Variants in BRWD1 observed in about 807,000 individuals in gnomAD.
BRWD1 encodes bromodomain and WD repeat-containing protein 1.
A neutral mutation model predicts 251.2 loss-of-function variants in BRWD1; 82 were observed. That is an observed-to-expected ratio of 0.33 (90% confidence interval 0.27 to 0.39). BRWD1 has a LOEUF of 0.39. BRWD1 is among the 10% of genes least tolerant of loss of function. BRWD1 has a pLI of 1.00. For missense variants in BRWD1, 2,233 were observed against 2,711.6 expected (o/e 0.82, Z 3.92); for synonymous variants, 918 against 902.8 (o/e 1.02, Z -0.30).
At chr21:39,247,158 G>A (rs1470025515) in intron 21 of BRWD1, among the ~76,000 whole-genome samples, 2 of 152,144 alleles carry the variant, frequency 1.3e-5, no homozygotes, top group Admixed American at 1.3e-4. Flanking sequence ...TGATTGTGAG[G>A]GGCTGGGGGA....
chr21:39,261,147 C>T (rs1346565605), intron 17 of BRWD1, among the ~76,000 whole-genome samples: 2 of 152,144 alleles, frequency 1.3e-5, no homozygotes, highest in Non-Finnish European at 2.9e-5. Flanking sequence ...ACTGCTTGAA[C>T]CCCAGAGGCA....
At chr21:39,320,481 C>A (rs1403912452) in intron 1 of BRWD1, among the ~76,000 whole-genome samples, 5 of 151,970 alleles carry the variant, frequency 3.3e-5, no homozygotes, top group Admixed American at 6.6e-5. Flanking sequence ...ACTACAGGCA[C>A]CCACCACCAC....
chr21:39,215,198 A>G, intron 32 of BRWD1, 39 bp downstream of exon 32: 3 of 1,596,378 alleles, frequency 1.9e-6, no homozygotes, highest in Non-Finnish European at 2.6e-6. Flanking sequence ...ATAGCACAAT[A>G]TGCAGTCACT....
chr21:39,281,161 T>G (rs1187071357), intron 8 of BRWD1, among the ~76,000 whole-genome samples: 1 of 152,166 alleles, frequency 6.6e-6, no homozygotes, highest in African/African-American at 2.4e-5. Flanking sequence ...GAATAGAGAA[T>G]CTGGATGTAA....
rs541268438 is a variant in BRWD1 at position 39,259,606 on chromosome 21, C to T, written c.1886-934G>A. On this transcript the variant is annotated intron_variant, in intron 17 of 40. Coordinates refer to ENST00000342449, the MANE Select transcript of BRWD1 (RefSeq NM_033656.4). The stretch of plus-strand genomic sequence containing the variant: ...GCGTGGTGGCTCACATCTGTAATCC[C>T]AGCACTTTTGGAGGCCAAGGCAGGT... Among the ~76,000 whole-genome samples the T allele has an allele frequency of 8.4e-4, 128 of 152,208 alleles. 1 individual carries two copies. Among genetic ancestry groups the T allele is most frequent in the Non-Finnish European group, 1.7e-3 (113 of 68,008 alleles).
intron 4 of BRWD1, among the ~76,000 whole-genome samples, chr21:39,306,489 G>C (rs551963351): frequency 6.6e-6 from 1 of 152,258 alleles, no homozygotes; most frequent in Admixed American, 6.5e-5. Flanking sequence ...ACAGAACTGA[G>C]CCTAAGAATT....
Position 39,258,565 on chromosome 21 carries a change from G to C in BRWD1, c.1993C>G (p.Gln665Glu), listed in dbSNP as rs2034636599. The change falls in exon 18 of 41, where the codon CAG becomes GAG. Residue 665 changes from glutamine (Q) to glutamate (E), a missense_variant. Transcript: ENST00000342449. Reference protein sequence around the residue: ...LDGMIRQLQQQQDQRMGADQD... With the variant: ...LDGMIRQLQQEQDQRMGADQD... ...TCTGCTCCCATTCTCTGATCTTGCT[G>C]CTGCTGCAACTGTCTTATCATTCCA... 2.5e-6 allele frequency: 4 copies of C among 1,613,358 alleles called. No homozygotes were observed. In the African/African-American group the frequency reaches 5.3e-5, roughly 22 times the overall value.
At chr21:39,215,882 C>A (rs1420585853) in intron 31 of BRWD1, among the ~76,000 whole-genome samples, 1 of 151,976 alleles carries the variant, frequency 6.6e-6, no homozygotes, top group Non-Finnish European at 1.5e-5. Context: ...CACCTGTAGC[C>A]CCAGCTATTC....
Position 39,193,159 on chromosome 21 carries a change from G to A in BRWD1, c.*3100C>T. The A allele has an allele frequency of 1.0e-6, 1 of 984,800 alleles. No individual in the cohort carries two copies. The highest frequency in any genetic ancestry group is 1.2e-6 in the Non-Finnish European group (1 of 829,646). The allele number at this position is 984,800 out of a possible 1,614,324, so 61.0% of individuals were successfully genotyped here. On this transcript the variant is annotated 3_prime_UTR_variant, in exon 41 of 41. Transcript: ENST00000342449. ...CTTTTTCTTAAAACTTAAGTTCTTT[G>A]CCTCCATTTTCTTATAAACCCAATT...
intron 23 of BRWD1, 55 bp from the exon 24 acceptor site, chr21:39,232,553 G>A: frequency 6.5e-7 from 1 of 1,544,464 alleles, no homozygotes; most frequent in Non-Finnish European, 8.7e-7. Flanking sequence ...AGCATGCACT[G>A]TCTGAATGAA....
rs1332300853 is a variant in BRWD1, at chr21:39,313,486, C to T, written c.6G>A (p.Ala2=). The T allele has an allele frequency of 1.5e-6, 2 of 1,318,340 alleles. No individual in the cohort carries two copies. Among genetic ancestry groups the T allele is most frequent in the African/African-American group, 1.6e-5 (1 of 63,718 alleles). The allele number at this position is 1,318,340 out of a possible 1,614,324, so 81.7% of individuals were successfully genotyped here. A position where few individuals can be genotyped will look rare whatever the true frequency, so the allele number is the denominator to read the frequency against. Reference sequence around the variant, plus strand: ...CCGGGCGTCGGGCGGACGACGGCTCCGCCATGGCCGGGCGCGGGGCGGGAG... The same window carrying T: ...CCGGGCGTCGGGCGGACGACGGCTCTGCCATGGCCGGGCGCGGGGCGGGAG... M[A]EPSSARRPVP... Residue 2 remains alanine, a synonymous_variant, in exon 1 of 41, where the codon GCG becomes GCA. Coordinates refer to ENST00000342449, the MANE Select transcript of BRWD1 (RefSeq NM_033656.4).
rs1282199930 is a variant in BRWD1 at position 39,194,264 on chromosome 21, AT to A, written c.*1994del. On this transcript the variant is annotated 3_prime_UTR_variant, in exon 41 of 41. Coordinates refer to ENST00000342449, the MANE Select transcript of BRWD1 (RefSeq NM_033656.4). ...GAATGTATTCCATATTTATTTATGGATTTTTTTGGTACCTTTTTGCAAATGA... is the reference window on the plus strand; with the variant it reads ...GAATGTATTCCATATTTATTTATGGATTTTTTGGTACCTTTTTGCAAATGA... 1.8e-5 allele frequency: 18 copies of A among 988,754 alleles called. No homozygotes were observed. Among genetic ancestry groups the A allele is most frequent in the Admixed American group, 5.8e-5 (1 of 17,240 alleles). The allele number at this position is 988,754 out of a possible 1,614,324, so 61.2% of individuals were successfully genotyped here.
chr21:39,290,491 A>C (rs1413929643), intron 8 of BRWD1, among the ~76,000 whole-genome samples: 2 of 100,798 alleles, frequency 2.0e-5, no homozygotes, highest in African/African-American at 4.4e-5. Context: ...ACTCCGTCTC[A>C]AAAAAAAAAA....
chr21:39,288,469 A>C (rs1450433661), intron 8 of BRWD1, among the ~76,000 whole-genome samples: 2 of 152,162 alleles, frequency 1.3e-5, no homozygotes, highest in Non-Finnish European at 2.9e-5. Flanking sequence ...AATCAGTTTG[A>C]AATATTCTTA....
At position 39,232,213 on chromosome 21, in the gene BRWD1, G is replaced by T. The variant is rs2033643177; in HGVS notation, c.2964C>A (p.Asn988Lys). 5 of 1,613,086 alleles carry T rather than the reference G, an allele frequency of 3.1e-6. No homozygotes were observed. The East Asian group carries it at 1.1e-4, about 36-fold the overall frequency. ...AVRRNNIYELNPNKEPWRKMD... is the reference protein window; with the variant it reads ...AVRRNNIYELKPNKEPWRKMD... ...TTTTTCTCCATGGCTCCTTATTAGG[G>T]TTCAGTTCATAAATATTATTTCTTC... The change falls in exon 25 of 41, where the codon AAC (asparagine) becomes AAA (lysine). Residue 988 changes from asparagine (N) to lysine (K), a missense_variant. Physicochemically the swap from Asn to Lys is moderately conservative, Grantham distance 94. Around this residue, in one of 12 missense-constraint regions of BRWD1, gnomAD observed 139 missense variants for 272.8 expected, o/e 0.51. Transcript: ENST00000342449.
In BRWD1 at chr21:39,242,390, G is replaced by A. The variant is rs115161562; in HGVS notation, c.2482-3817C>T. Among the ~76,000 whole-genome samples, 446 of 152,298 alleles carry A rather than the reference G, an allele frequency of 2.9e-3. 5 individuals are homozygous for A. The highest frequency in any genetic ancestry group is 0.01 in the African/African-American group (433 of 41,546). ...TCTTTAATTCTATGAAGGCTGAGAGGTGACAAAGCTGCAGAAGAAAAGATG... is the reference window on the plus strand; with the variant it reads ...TCTTTAATTCTATGAAGGCTGAGAGATGACAAAGCTGCAGAAGAAAAGATG... On this transcript the variant is annotated intron_variant, in intron 21 of 40. Coordinates refer to ENST00000342449, the MANE Select transcript of BRWD1 (RefSeq NM_033656.4).
chr21:39,274,332 C>T (rs756664675), intron 13 of BRWD1, 42 bp downstream of exon 13: 3 of 1,433,008 alleles, frequency 2.1e-6, no homozygotes, highest in South Asian at 2.3e-5. Context: ...AGAGACAGAT[C>T]GAACACCTAT....
chr21:39,300,637 A>C (rs898707704), intron 4 of BRWD1, among the ~76,000 whole-genome samples: 4 of 152,210 alleles, frequency 2.6e-5, no homozygotes, highest in Non-Finnish European at 5.9e-5. Flanking sequence ...CCAGAGGTAA[A>C]TACATTACTG....
intron 4 of BRWD1, among the ~76,000 whole-genome samples, chr21:39,307,214 T>G (rs2146794465): frequency 6.6e-6 from 1 of 152,336 alleles, no homozygotes; most frequent in African/African-American, 2.4e-5. Flanking sequence ...CAAATTTCCT[T>G]GGGCATTTTT....
Sources: gnomAD v4.1 joint callset for allele counts (sites outside exome capture counted in the v4.1 genomes callset) on GRCh38, gnomAD v4.1.1 for gene constraint, gnomAD v4.1.1 regional missense constraint, MANE v1.5 for transcripts, NCBI Gene and HGNC (gene_info 2026-07-23, HGNC 2026-07-21) for gene names.